Variants in EML6 observed in about 807,000 individuals in gnomAD.
EML6 encodes echinoderm microtubule-associated protein-like 6.
A neutral mutation model predicts 240.1 loss-of-function variants in EML6; 154 were observed. That is an observed-to-expected ratio of 0.64 (90% CI 0.56 to 0.73). EML6 has a LOEUF of 0.73. Among genes scored for constraint, EML6 ranks in the 30% least tolerant of loss-of-function variants. EML6 has a pLI of 0.00. For missense variants in EML6, 2,964 were observed against 2,474.6 expected (o/e 1.20, Z -4.20); for synonymous variants, 1,148 against 899.0 (o/e 1.28, Z -4.95).
At chr2:54,879,965 T>C in intron 17 of EML6, 1 of 216,246 alleles carries the variant, frequency 4.6e-6, no homozygotes. Context: ...CCTTGCCCCT[T>C]GTTTTTCTTC....
At chr2:54,826,688 G>A (rs144448905) in intron 5 of EML6, among the ~76,000 whole-genome samples, 276 of 152,166 alleles carry the variant, frequency 1.8e-3, no homozygotes, top group African/African-American at 6.5e-3. Flanking sequence ...GTATAAAATT[G>A]CTGAAGCTTT....
chr2:54,808,357 T>TC (rs1259782535), intron 2 of EML6, among the ~76,000 whole-genome samples: 3 of 152,064 alleles, frequency 2.0e-5, no homozygotes, highest in Admixed American at 6.6e-5. Flanking sequence ...GTTGGGTCAC[T>TC]CCCCCTTCAA....
At chr2:54,810,846 C>G (rs1227994365) in intron 2 of EML6, among the ~76,000 whole-genome samples, 5 of 152,150 alleles carry the variant, frequency 3.3e-5, no homozygotes, top group Non-Finnish European at 5.9e-5. Context: ...TTTAGGACTC[C>G]AGATGTGATG....
chr2:54,904,948 A>G (rs1673240761), intron 24 of EML6, among the ~76,000 whole-genome samples: 1 of 152,168 alleles, frequency 6.6e-6, no homozygotes, highest in African/African-American at 2.4e-5. Flanking sequence ...TGGAATTTGG[A>G]CTTTATTTCA....
At chr2:54,852,440 T>G (rs1488896525) in intron 10 of EML6, among the ~76,000 whole-genome samples, 2 of 152,244 alleles carry the variant, frequency 1.3e-5, no homozygotes, top group Non-Finnish European at 2.9e-5. Context: ...AATAATAAAA[T>G]ACCATCCTGT....
intron 2 of EML6, among the ~76,000 whole-genome samples, chr2:54,783,797 A>G (rs930401207): frequency 6.6e-6 from 1 of 152,232 alleles, no homozygotes; most frequent in African/African-American, 2.4e-5. Context: ...ATAATACTAT[A>G]AATATGTATC....
intron 31 of EML6, among the ~76,000 whole-genome samples, chr2:54,953,130 C>G (rs947761131): frequency 2.6e-5 from 4 of 152,100 alleles, no homozygotes; most frequent in Non-Finnish European, 5.9e-5. Flanking sequence ...TCATCTCGAG[C>G]AATTTTTACA....
rs76234148 is a variant in EML6, at chr2:54,740,390, G to A, written c.197+15132G>A. On this transcript the variant is annotated intron_variant, in intron 2 of 41. Transcript: ENST00000356458. ...CCAAGAACAGAGAGAGTGTCAAGAA[G>A]ATGCTCAGCAGACTCAGCAGAGTAG... Among the ~76,000 whole-genome samples the A allele has an allele frequency of 6.7e-4, 102 of 152,216 alleles. 1 individual carries two copies. The East Asian group carries it at 0.017, about 25-fold the overall frequency.
intron 2 of EML6, among the ~76,000 whole-genome samples, chr2:54,743,184 C>T (rs944766967): frequency 2.0e-5 from 3 of 152,234 alleles, no homozygotes; most frequent in African/African-American, 4.8e-5. Flanking sequence ...CAGCCCTGGA[C>T]AGGACGCAGT....
At chr2:54,806,251 A>G (rs1173194751) in intron 2 of EML6, among the ~76,000 whole-genome samples, 1 of 152,158 alleles carries the variant, frequency 6.6e-6, no homozygotes. Context: ...CACAGAGAAT[A>G]GTCTTATTTT....
chr2:54,939,640 T>C (rs1457811529), intron 28 of EML6, among the ~76,000 whole-genome samples: 1 of 152,150 alleles, frequency 6.6e-6, no homozygotes, highest in East Asian at 1.9e-4. Flanking sequence ...GTGATCCTTA[T>C]CCTCCCCGCT....
intron 25 of EML6, 100 bp from the exon 26 acceptor site, chr2:54,916,659 G>A (rs1219003054): frequency 3.5e-5 from 33 of 947,550 alleles, no homozygotes; most frequent in East Asian, 2.7e-4. Context: ...AATGCCTAAC[G>A]TTGGCAAAGT....
At position 54,724,300 on chromosome 2, in the gene EML6, T is replaced by C. The variant is rs765823846; in HGVS notation, c.-513-249T>C. ...AATTGGAGCATCTAAAAAATGACCA[T>C]TGCATATTCGCCCTCGCTTATTAGG... On this transcript the variant is annotated intron_variant, in intron 1 of 41. Transcript: ENST00000356458. The surrounding 1 kb of genome is among the most constrained non-coding windows in gnomAD (Gnocchi z 5.2). 3.3e-5 allele frequency among the ~76,000 whole-genome samples: 5 copies of C among 152,036 alleles called. No homozygotes were observed. The highest frequency in any genetic ancestry group is 6.5e-5 in the Admixed American group (1 of 15,268).
chr2:54,744,923 C>CACACACAT (rs1393293320), intron 2 of EML6, among the ~76,000 whole-genome samples: 1 of 105,208 alleles, frequency 9.5e-6, no homozygotes, highest in Non-Finnish European at 2.3e-5. Flanking sequence ...CACACACACA[C>CACACACAT]ACACACACAC....
At chr2:54,856,722 G>A (rs1024391149) in intron 11 of EML6, among the ~76,000 whole-genome samples, 2 of 152,160 alleles carry the variant, frequency 1.3e-5, no homozygotes, top group Non-Finnish European at 2.9e-5. Flanking sequence ...GTCGTAAAGG[G>A]CCCCCTGGCC....
chr2:54,726,206 T>C (rs1348596389), intron 2 of EML6, among the ~76,000 whole-genome samples: 1 of 152,250 alleles, frequency 6.6e-6, no homozygotes, highest in Non-Finnish European at 1.5e-5. Context: ...AATGACTTGC[T>C]GAGGATGGAC....
rs1670818376 is a variant in EML6 at position 54,863,875 on chromosome 2, A to T, written c.1918A>T (p.Asn640Tyr). ...TGATATTGAGCAAGAAGCTCAAATC[A>T]ATTATGATCGCCAGGTCGGTAAGCA... is the stretch of plus-strand genomic sequence containing the variant. ...DSDIEQEAQI[N>Y]YDRQVYKEDL... Residue 640 changes from asparagine to tyrosine, a missense_variant, in exon 13 of 42, where the codon AAT becomes TAT. Physicochemically the swap from Asn to Tyr is moderately radical, Grantham distance 143. Transcript: ENST00000356458. 1 of 1,538,698 alleles carries T rather than the reference A, an allele frequency of 6.5e-7. No individual in the cohort carries two copies. The highest frequency in any genetic ancestry group is 8.8e-7 in the Non-Finnish European group (1 of 1,138,770).
intron 2 of EML6, among the ~76,000 whole-genome samples, chr2:54,735,425 T>G (rs1292981443): frequency 6.6e-6 from 1 of 152,244 alleles, no homozygotes; most frequent in Non-Finnish European, 1.5e-5. Flanking sequence ...ATTTTATACA[T>G]ACTTCGTGAA....
At chr2:54,744,240 T>TG (rs1363900614) in intron 2 of EML6, among the ~76,000 whole-genome samples, 2 of 151,958 alleles carry the variant, frequency 1.3e-5, no homozygotes, top group Non-Finnish European at 1.5e-5. Context: ...CAGTCTTTTG[T>TG]GGGGAAAGGA....
Sources: gnomAD v4.1 joint callset for allele counts (sites outside exome capture counted in the v4.1 genomes callset) on GRCh38, gnomAD v4.1.1 for gene constraint, Gnocchi (gnomAD v3.1) non-coding constraint, MANE v1.5 for transcripts, NCBI Gene and HGNC (gene_info 2026-07-23, HGNC 2026-07-21) for gene names.